Variants in RAD51B observed in about 807,000 individuals in gnomAD.
The protein encoded by RAD51B is DNA repair protein RAD51 homolog 2.
A neutral mutation model predicts 42.2 loss-of-function variants in RAD51B; 38 were observed. The ratio of observed to expected loss-of-function variants is 0.90; its 90% CI spans 0.70 to 1.18. The LOEUF is 1.18. Among genes scored for constraint, RAD51B ranks in the 50% most tolerant of loss-of-function variants. RAD51B has a pLI of 0.00. For synonymous variants in RAD51B, 154 were observed against 145.2 expected, an observed-to-expected ratio of 1.06 and a Z score of -0.43; for missense variants, 373 against 400.7, an observed-to-expected ratio of 0.93 and a Z score of 0.59.
intron 7 of RAD51B, among the ~76,000 whole-genome samples, chr14:68,193,146 C>T (rs759619537): frequency 1.3e-4 from 20 of 152,180 alleles, no homozygotes; most frequent in Non-Finnish European, 2.6e-4. Flanking sequence ...ATACAGCATG[C>T]ACTTAGCACC....
chr14:67,907,473 C>T (rs1298024999), intron 7 of RAD51B, among the ~76,000 whole-genome samples: 2 of 152,064 alleles, frequency 1.3e-5, no homozygotes, highest in Admixed American at 1.3e-4. Context: ...CTTGTTTCTG[C>T]TCCATGATGT....
At chr14:68,515,432 TTCTTCTTCTTC>T (rs1378613893) in intron 10 of RAD51B, among the ~76,000 whole-genome samples, 164 of 54,786 alleles carry the variant, frequency 3.0e-3, no homozygotes, top group African/African-American at 9.9e-3. Flanking sequence ...TCTTCCTTTC[TTCTTCTTCTTC>T]TTTTTTTTTT....
intron 7 of RAD51B, among the ~76,000 whole-genome samples, chr14:68,086,861 C>T (rs764736098): frequency 2.6e-5 from 4 of 152,056 alleles, no homozygotes; most frequent in East Asian, 1.9e-4. Flanking sequence ...TGGGGCCAGG[C>T]GCGGTGGCTC....
intron 7 of RAD51B, among the ~76,000 whole-genome samples, chr14:68,189,603 A>G (rs1421672012): frequency 2.0e-5 from 3 of 152,140 alleles, no homozygotes; most frequent in African/African-American, 7.2e-5. Context: ...TTAGGATCAA[A>G]CTTCCTTTTC....
chr14:68,494,732 G>T lies in RAD51B; in HGVS notation c.1036+26482G>T, dbSNP rs28372565. On this transcript the variant is annotated intron_variant, in intron 10 of 10. Transcript: ENST00000487270. ...AAGGAAATACTGAAATTTTCCCTCGGACTATAGCCTCCCAAGAAGGGTCGT... is the reference window on the plus strand; with the variant it reads ...AAGGAAATACTGAAATTTTCCCTCGTACTATAGCCTCCCAAGAAGGGTCGT... Among the ~76,000 whole-genome samples the T allele has an allele frequency of 9.8e-3, 1,485 of 152,146 alleles. 28 individuals are homozygous for T. Among genetic ancestry groups the T allele is most frequent in the African/African-American group, 0.034 (1,393 of 41,506 alleles).
At chr14:68,132,543 G>A (rs766424764) in intron 7 of RAD51B, among the ~76,000 whole-genome samples, 22 of 152,168 alleles carry the variant, frequency 1.4e-4, no homozygotes, top group African/African-American at 5.3e-4. Flanking sequence ...TGGTGGAAAC[G>A]TGACTTGAAC....
chr14:68,235,812 T>G (rs1193856433), intron 7 of RAD51B, among the ~76,000 whole-genome samples: 1 of 149,336 alleles, frequency 6.7e-6, no homozygotes, highest in East Asian at 2.0e-4. Flanking sequence ...ACCTAAATGC[T>G]CATCAGTGGT....
At chr14:68,370,532 A>G (rs1780116469) in intron 8 of RAD51B, among the ~76,000 whole-genome samples, 1 of 152,142 alleles carries the variant, frequency 6.6e-6, no homozygotes, top group Admixed American at 6.5e-5. Flanking sequence ...ACAGTTTAGG[A>G]AGATTACTTG....
At chr14:68,066,383 AG>A (rs1451749197) in intron 7 of RAD51B, among the ~76,000 whole-genome samples, 2 of 152,166 alleles carry the variant, frequency 1.3e-5, no homozygotes, top group African/African-American at 4.8e-5. Context: ...TTTCCTCTAA[AG>A]TCCATGTACA....
At chr14:67,837,384 T>C (rs2041279762) in intron 4 of RAD51B, among the ~76,000 whole-genome samples, 2 of 152,206 alleles carry the variant, frequency 1.3e-5, no homozygotes, top group Non-Finnish European at 2.9e-5. Flanking sequence ...TTTTTAAGTT[T>C]TAGAATAATT....
chr14:67,933,919 T>C (rs533774334), intron 7 of RAD51B, among the ~76,000 whole-genome samples: 118 of 152,340 alleles, frequency 7.7e-4, no homozygotes, highest in African/African-American at 2.7e-3. Context: ...CCTTTAATTC[T>C]ACCAGAATTG....
At chr14:68,234,942 A>T (rs1319518818) in intron 7 of RAD51B, among the ~76,000 whole-genome samples, 1 of 152,180 alleles carries the variant, frequency 6.6e-6, no homozygotes, top group African/African-American at 2.4e-5. Flanking sequence ...AATCAAGCAC[A>T]AGAGAAAATG....
chr14:67,938,344 G>C (rs2045032478), intron 7 of RAD51B, among the ~76,000 whole-genome samples: 1 of 152,210 alleles, frequency 6.6e-6, no homozygotes, highest in Non-Finnish European at 1.5e-5. Context: ...GCATTGAGCA[G>C]AATCAAGAGA....
intron 7 of RAD51B, among the ~76,000 whole-genome samples, chr14:68,072,140 T>G (rs2076760848): frequency 7.4e-6 from 1 of 135,620 alleles, no homozygotes; most frequent in Non-Finnish European, 1.5e-5. Flanking sequence ...TATAATTATA[T>G]ATATATTTTA....
intron 9 of RAD51B, among the ~76,000 whole-genome samples, chr14:68,440,455 A>T (rs1454261640): frequency 1.3e-5 from 2 of 152,196 alleles, no homozygotes; most frequent in African/African-American, 4.8e-5. Context: ...GAAAGTAACC[A>T]TCATTTCAGC....
chr14:68,640,871 G>C (rs1450436889), intron 10 of RAD51B, among the ~76,000 whole-genome samples: 1 of 152,234 alleles, frequency 6.6e-6, no homozygotes, highest in Non-Finnish European at 1.5e-5. Context: ...GGAAATGGCT[G>C]AGCTGGGAAT....
At chr14:68,660,876 C>G (rs1400086375) in intron 11 of RAD51B, among the ~76,000 whole-genome samples, 1 of 152,190 alleles carries the variant, frequency 6.6e-6, no homozygotes, top group Non-Finnish European at 1.5e-5. Flanking sequence ...GAGAACTCTG[C>G]AGGATCAAAA....
chr14:67,976,499 T>C (rs2074997807), intron 7 of RAD51B, among the ~76,000 whole-genome samples: 3 of 151,958 alleles, frequency 2.0e-5, no homozygotes, highest in Admixed American at 6.5e-5. Flanking sequence ...TTAGGATACA[T>C]GTGCACAACG....
chr14:68,253,002 G>A (rs556803147), intron 7 of RAD51B, among the ~76,000 whole-genome samples: 22 of 151,830 alleles, frequency 1.4e-4, no homozygotes, highest in African/African-American at 5.1e-4. Context: ...AGAATCACTT[G>A]AACCTGGGCG....
Sources: allele counts gnomAD v4.1 joint callset (sites outside exome capture counted in the v4.1 genomes callset), GRCh38; gene constraint gnomAD v4.1.1; transcripts MANE v1.5; gene names NCBI Gene and HGNC (gene_info 2026-07-23, HGNC 2026-07-21).